PIK3R4: variants seen among roughly 807,000 people sequenced by gnomAD.
PIK3R4 encodes the protein phosphoinositide-3-kinase regulatory subunit 4, also known as phosphoinositide 3-kinase regulatory subunit 4.
Under a neutral mutation model 136.5 loss-of-function variants are expected in PIK3R4, and 46 were observed. That is an observed-to-expected ratio of 0.34 (90% CI 0.27 to 0.43). PIK3R4 has a LOEUF of 0.43. Ranked by LOEUF, PIK3R4 falls within the 20% of genes least tolerant of loss-of-function variation. The probability of loss-of-function intolerance (pLI) is 1.00; values close to 1 mark genes in which losing one functional copy is unlikely to be tolerated. For missense variants in PIK3R4, 1,331 were observed against 1,649.5 expected (o/e 0.81, Z 3.35); for synonymous variants, 557 against 566.7 (o/e 0.98, Z 0.24).
chr3:130,686,690 C>A (rs957174379), intron 14 of PIK3R4, among the ~76,000 whole-genome samples: 4 of 152,100 alleles, frequency 2.6e-5, no homozygotes, highest in African/African-American at 9.7e-5. Context: ...AAGAAATTAA[C>A]CTTGCTATAA....
chr3:130,713,358 C>A (rs936748077), intron 9 of PIK3R4, among the ~76,000 whole-genome samples: 1 of 152,172 alleles, frequency 6.6e-6, no homozygotes, highest in Non-Finnish European at 1.5e-5. Context: ...ATGAGGGGAT[C>A]ACTGACAGAC....
rs201528168 is a variant in PIK3R4, at chr3:130,705,737, G to A, written c.2756C>T (p.Pro919Leu). ...PEVTTVQNKKPVIPVLSSTIL... is the reference protein window; with the variant it reads ...PEVTTVQNKKLVIPVLSSTIL... ...TGTACTACTTAAAACCGGTATTACT[G>A]GTTTTTTATTTTGGACAGTTGTCAC... Residue 919 changes from proline to leucine, a missense_variant, in exon 12 of 20, where the codon CCA (proline) becomes CTA (leucine). Physicochemically the swap from Pro to Leu is moderately conservative, Grantham distance 98. Around this residue, in one of 2 missense-constraint regions of PIK3R4, gnomAD observed 1,180 missense variants for 1,407.0 expected, o/e 0.84. Transcript: ENST00000356763. 2.8e-5 allele frequency: 45 copies of A among 1,610,826 alleles called. No homozygotes were observed. Among genetic ancestry groups the A allele is most frequent in the South Asian group, 2.7e-4 (25 of 91,008 alleles).
intron 9 of PIK3R4, among the ~76,000 whole-genome samples, chr3:130,714,576 C>T (rs1490820883): frequency 6.6e-6 from 1 of 152,130 alleles, no homozygotes; most frequent in African/African-American, 2.4e-5. Flanking sequence ...GCTTCACCTA[C>T]TGACCCATCC....
intron 7 of PIK3R4, 35 bp downstream of exon 7, chr3:130,723,379 C>T: frequency 6.4e-7 from 1 of 1,553,058 alleles, no homozygotes; most frequent in Non-Finnish European, 8.7e-7. Context: ...AAAGTTCTTC[C>T]AATCTCATTC....
chr3:130,680,923 TATA>T, intron 18 of PIK3R4, 51 bp downstream of exon 18: 1 of 917,228 alleles, frequency 1.1e-6, no homozygotes, highest in Non-Finnish European at 1.7e-6. Flanking sequence ...CATCAGTATC[TATA>T]ATAACAGCTT....
chr3:130,709,346 G>T (rs929641066), intron 9 of PIK3R4, among the ~76,000 whole-genome samples: 1 of 151,952 alleles, frequency 6.6e-6, no homozygotes, highest in Non-Finnish European at 1.5e-5. Flanking sequence ...ATCATGTAAA[G>T]GAATAAAAAA....
chr3:130,737,410 A>T (rs1298703543), intron 2 of PIK3R4, among the ~76,000 whole-genome samples: 2 of 152,214 alleles, frequency 1.3e-5, no homozygotes, highest in East Asian at 3.8e-4. Flanking sequence ...CTGTAATCCC[A>T]CCACTTTGGG....
In PIK3R4 at chr3:130,708,254, A is replaced by T. The variant is rs114215582; in HGVS notation, c.2533+37T>A. 904 of 1,518,690 alleles carry T rather than the reference A, an allele frequency of 6.0e-4. 4 individuals are homozygous for T. The African/African-American group carries it at 1.0e-2, about 17-fold the overall frequency. 94.1% of individuals were successfully genotyped at this position (1,518,690 alleles called of 1,614,324 possible). On this transcript the variant is annotated intron_variant, in intron 10 of 19. Coordinates refer to ENST00000356763, the MANE Select transcript of PIK3R4 (RefSeq NM_014602.3). ...AAAACAGTCTTATGAAATAACTAAC[A>T]ACAACAAGCTACACACACACAAACA...
At chr3:130,710,161 C>A (rs556024512) in intron 9 of PIK3R4, among the ~76,000 whole-genome samples, 2 of 151,894 alleles carry the variant, frequency 1.3e-5, no homozygotes, top group Non-Finnish European at 2.9e-5. Context: ...AGTGAGCAAA[C>A]CAAATCCAGT....
Position 130,686,317 on chromosome 3 carries a change from G to A in PIK3R4, c.3369C>T (p.Gly1123=). The A allele has an allele frequency of 6.2e-7, 1 of 1,613,200 alleles. No homozygotes were observed. Among genetic ancestry groups the A allele is most frequent in the African/African-American group, 1.3e-5 (1 of 75,004 alleles). Residue 1123 remains glycine, a synonymous_variant, in exon 15 of 20, where the codon GGC becomes GGT. Transcript: ENST00000356763. ...CATTGCTTGAAGACCTAAGGTCCCA[G>A]CCAACCAGAGAGCCATTCACAGTGG... ...AYATVNGSLV[G]WDLRSSSNAW... is the part of the protein sequence containing the mutation.
chr3:130,684,301 G>A lies in PIK3R4; in HGVS notation c.3556C>T (p.Arg1186Ter). ...GGGTGCATTGAGAGGCGTCTGATTC[G>A]AGCCCTGGAAGGATGACAGTGACTT... ...ISSHCHPSRA[R>*]IRRLSMHPLY... Residue 1186 changes from arginine (R) to a stop codon, truncating the protein, a stop_gained, in exon 16 of 20, where the codon CGA (arginine) becomes TGA (stop). Coordinates refer to ENST00000356763, the MANE Select transcript of PIK3R4 (RefSeq NM_014602.3). LOFTEE classifies it high-confidence loss of function. 1 of 1,613,182 alleles carries A rather than the reference G, an allele frequency of 6.2e-7. No homozygotes were observed. Among genetic ancestry groups the A allele is most frequent in the Non-Finnish European group, 8.5e-7 (1 of 1,179,328 alleles).
At position 130,744,877 on chromosome 3, in the gene PIK3R4, G is replaced by C; in HGVS notation, c.342C>G (p.Ile114Met). The C allele has an allele frequency of 6.2e-7, 1 of 1,614,214 alleles. No individual in the cohort carries two copies. The highest frequency in any genetic ancestry group is 8.5e-7 in the Non-Finnish European group (1 of 1,180,038). ...QYVRDNLYDR[I>M]STRPFLNNIE... ...TGTTATTCAAGAATGGACGGGTACT[G>C]ATGCGATCATAGAGATTGTCTCGCA... is the stretch of plus-strand genomic sequence containing the variant. Residue 114 changes from isoleucine to methionine, a missense_variant, in exon 2 of 20, where the codon ATC (isoleucine) becomes ATG (methionine). Around this residue, in one of 2 missense-constraint regions of PIK3R4, gnomAD observed 151 missense variants for 242.5 expected, o/e 0.62. Transcript: ENST00000356763.
chr3:130,679,761 G>C (rs555729922), intron 19 of PIK3R4, among the ~76,000 whole-genome samples: 2 of 151,758 alleles, frequency 1.3e-5, no homozygotes, highest in Non-Finnish European at 2.9e-5. Context: ...AACATCAAAA[G>C]AAAAAAGGGA....
At position 130,745,190 on chromosome 3, in the gene PIK3R4, G is replaced by C; in HGVS notation, c.29C>G (p.Pro10Arg). The C allele has an allele frequency of 6.2e-7, 1 of 1,604,528 alleles. No homozygotes were observed. Among genetic ancestry groups the C allele is most frequent in the Non-Finnish European group, 8.5e-7 (1 of 1,178,274 alleles). ...ACTCTCTACAGAAAGGATCTGGGAG[G>C]GAGCAATGCCAGCAAGCTGATTTCC... MGNQLAGIA[P>R]SQILSVESYF... The change falls in exon 2 of 20, where the codon CCC becomes CGC. Residue 10 changes from proline (P) to arginine (R), a missense_variant. By Grantham distance (103) the Pro-to-Arg change is moderately radical. This residue lies in a region of PIK3R4 where 151 missense variants were observed against 242.5 expected (regional missense o/e 0.62). Transcript: ENST00000356763.
At chr3:130,712,072 G>GA (rs1374547933) in intron 9 of PIK3R4, among the ~76,000 whole-genome samples, 1 of 152,130 alleles carries the variant, frequency 6.6e-6, no homozygotes, top group African/African-American at 2.4e-5. Flanking sequence ...GCCCTTCCAT[G>GA]AGTCATCTCC....
At chr3:130,686,146 C>T in intron 15 of PIK3R4, 65 bp downstream of exon 15, 1 of 957,154 alleles carries the variant, frequency 1.0e-6, no homozygotes. Flanking sequence ...ACTGATTTCA[C>T]AAGACAGCAA....
At chr3:130,727,952 T>C (rs1193845723) in intron 6 of PIK3R4, among the ~76,000 whole-genome samples, 1 of 150,460 alleles carries the variant, frequency 6.6e-6, no homozygotes, top group Non-Finnish European at 1.5e-5. Flanking sequence ...AAAAAAAAAA[T>C]GCTGCTTAAA....
At chr3:130,685,371 C>A (rs987842102) in intron 15 of PIK3R4, among the ~76,000 whole-genome samples, 2 of 152,134 alleles carry the variant, frequency 1.3e-5, no homozygotes, top group South Asian at 4.1e-4. Context: ...ACACACTGTA[C>A]CCAATAAATA....
At chr3:130,701,703 A>C (rs2066575906) in intron 13 of PIK3R4, among the ~76,000 whole-genome samples, 1 of 152,090 alleles carries the variant, frequency 6.6e-6, no homozygotes, top group Non-Finnish European at 1.5e-5. Flanking sequence ...TTCATTTAAG[A>C]TCTGTGTACT....
Sources: gnomAD v4.1 joint callset for allele counts (sites outside exome capture counted in the v4.1 genomes callset) on GRCh38, gnomAD v4.1.1 for gene constraint, gnomAD v4.1.1 regional missense constraint, MANE v1.5 for transcripts, NCBI Gene and HGNC (gene_info 2026-07-23, HGNC 2026-07-21) for gene names.